RELN: variants seen among roughly 807,000 people sequenced by gnomAD.
The protein encoded by RELN is reelin.
In RELN, 108 loss-of-function variants were observed where a neutral mutation model predicts 427.6. The observed-to-expected ratio is 0.25, with a 90% CI of 0.22 to 0.30. The LOEUF (loss-of-function observed/expected upper bound fraction) is 0.30, where lower values mean the gene tolerates loss of function less well. Ranked by LOEUF, RELN falls within the 10% of genes least tolerant of loss-of-function variation. The probability of loss-of-function intolerance (pLI) is 1.00; values close to 1 mark genes in which losing one functional copy is unlikely to be tolerated. For synonymous variants in RELN, 1,524 were observed against 1,513.4 expected, an observed-to-expected ratio of 1.01 and a Z score of -0.16; for missense variants, 3,715 against 4,302.8, an observed-to-expected ratio of 0.86 and a Z score of 3.82.
intron 41 of RELN, among the ~76,000 whole-genome samples, chr7:103,548,768 T>G (rs932494368): frequency 5.3e-5 from 8 of 152,176 alleles, no homozygotes; most frequent in Non-Finnish European, 8.8e-5. Flanking sequence ...CAAATTATAT[T>G]GTCTTGCCTT....
chr7:103,882,588 A>C (rs1427985472), intron 2 of RELN, among the ~76,000 whole-genome samples: 3 of 152,122 alleles, frequency 2.0e-5, no homozygotes, highest in Non-Finnish European at 2.9e-5. Flanking sequence ...AATAGACACA[A>C]AAAAAAATGA....
rs750179737 is a variant in RELN, at chr7:103,989,338, C to A, written c.19G>T (p.Ala7Ser). The A allele has an allele frequency of 3.1e-5, 49 of 1,562,178 alleles. No homozygotes were observed. Among genetic ancestry groups the A allele is most frequent in the Non-Finnish European group, 4.2e-5 (49 of 1,153,088 alleles). The change falls in exon 1 of 65, where the codon GCC (alanine) becomes TCC (serine). Residue 7 changes from alanine to serine, a missense_variant. Ala to Ser is a moderately conservative substitution (Grantham distance 99). Coordinates refer to ENST00000428762, the MANE Select transcript of RELN (RefSeq NM_005045.4). The surrounding 1 kb of genome is among the most constrained non-coding windows in gnomAD (Gnocchi z 4.9). MERSGW[A>S]RQTFLLALLL... The stretch of plus-strand genomic sequence containing the variant: ...AGCGCTAGGAGGAAAGTCTGCCGGG[C>A]CCAGCCACTGCGCTCCATGCCGCCG...
At chr7:103,782,252 T>A (rs117142609) in intron 3 of RELN, among the ~76,000 whole-genome samples, 1 of 152,168 alleles carries the variant, frequency 6.6e-6, no homozygotes, top group Non-Finnish European at 1.5e-5. Context: ...TCAACCTAAC[T>A]AAACAACAGA....
chr7:103,655,425 G>A (rs1345669510), intron 12 of RELN, among the ~76,000 whole-genome samples: 5 of 151,848 alleles, frequency 3.3e-5, no homozygotes, highest in Admixed American at 1.3e-4. Flanking sequence ...ATACTCTCTG[G>A]TGACAGTAAA....
rs186485762 is a variant in RELN at position 103,736,061 on chromosome 7, T to C, written c.657-7854A>G. On this transcript the variant is annotated intron_variant, in intron 6 of 64. Transcript: ENST00000428762. ...ATCACACTGCCTGTGCTAAGAAGAA[T>C]CTGAGGTGTGAACTTGCAAAGCAAG... 2.0e-4 allele frequency among the ~76,000 whole-genome samples: 31 copies of C among 152,350 alleles called. No individual in the cohort carries two copies. In the East Asian group the frequency reaches 6.0e-3, roughly 29 times the overall value.
rs60124892 is a variant in RELN at position 103,713,660 on chromosome 7, C to CTTT, written c.805+9477_805+9479dup. Among the ~76,000 whole-genome samples the CTTT allele has an allele frequency of 2.2e-3, 311 of 143,682 alleles. 1 individual carries two copies. The highest frequency in any genetic ancestry group is 7.6e-3 in the African/African-American group (300 of 39,258). 94.3% of individuals were successfully genotyped at this position (143,682 alleles called of 152,430 possible). A position where few individuals can be genotyped will look rare whatever the true frequency, so the allele number is the denominator to read the frequency against. Reference sequence around the variant, plus strand: ...ATAATAAGCAGTTCTGGCATTTATCCTTTTTTTTTTTTTTTGAAGGTAAGA... The same window carrying CTTT: ...ATAATAAGCAGTTCTGGCATTTATCCTTTTTTTTTTTTTTTTTTGAAGGTAAGA... On this transcript the variant is annotated intron_variant, in intron 8 of 64. Coordinates refer to ENST00000428762, the MANE Select transcript of RELN (RefSeq NM_005045.4).
intron 27 of RELN, among the ~76,000 whole-genome samples, chr7:103,591,906 A>G (rs1438205108): frequency 6.6e-6 from 1 of 152,220 alleles, no homozygotes; most frequent in Non-Finnish European, 1.5e-5. Flanking sequence ...GATCAGATAC[A>G]TATGTTTAAG....
intron 20 of RELN, among the ~76,000 whole-genome samples, chr7:103,618,353 C>T (rs1235881721): frequency 6.6e-6 from 1 of 151,660 alleles, no homozygotes; most frequent in Non-Finnish European, 1.5e-5. Flanking sequence ...ATAGCACCAC[C>T]TGTTACTCGT....
chr7:103,492,064 T>C (rs1828691862), intron 57 of RELN, 38 bp from the exon 58 acceptor site: 8 of 1,439,998 alleles, frequency 5.6e-6, no homozygotes, highest in Non-Finnish European at 7.8e-6. Flanking sequence ...CAGGTAAGAT[T>C]AGATGATACT....
intron 4 of RELN, among the ~76,000 whole-genome samples, chr7:103,758,713 A>G (rs1484982346): frequency 6.7e-6 from 1 of 149,676 alleles, no homozygotes; most frequent in Non-Finnish European, 1.5e-5. Flanking sequence ...CTAGATAAGT[A>G]AATAAATGTT....
At position 103,610,718 on chromosome 7, in the gene RELN, T is replaced by A. The variant is rs1478139280; in HGVS notation, c.2985A>T (p.Ile995=). ...ACCAAGTTTTCTGGGGAAGAAGCAC[T>A]ATGACTCTCCTCCACTGTGTAAACT... ...ASEFTQWRRV[I]VLLPQKTWSS... is the part of the protein sequence containing the mutation. Residue 995 remains isoleucine, a synonymous_variant, in exon 22 of 65, where the codon ATA becomes ATT. Coordinates refer to ENST00000428762, the MANE Select transcript of RELN (RefSeq NM_005045.4). The A allele has an allele frequency of 6.3e-7, 1 of 1,596,332 alleles. No individual in the cohort carries two copies. The highest frequency in any genetic ancestry group is 2.2e-5 in the East Asian group (1 of 44,744).
intron 2 of RELN, among the ~76,000 whole-genome samples, chr7:103,910,584 A>G (rs1278235865): frequency 2.1e-5 from 3 of 144,402 alleles, no homozygotes; most frequent in South Asian, 4.8e-4. Flanking sequence ...GAGGCATCAC[A>G]CTACCTGACT....
At chr7:103,501,656 A>T (rs534772497) in intron 52 of RELN, among the ~76,000 whole-genome samples, 1 of 152,330 alleles carries the variant, frequency 6.6e-6, no homozygotes, top group South Asian at 2.1e-4. Context: ...TTACACAACT[A>T]AAAACTCATT....
intron 48 of RELN, among the ~76,000 whole-genome samples, chr7:103,521,103 A>C (rs553298711): frequency 6.7e-6 from 1 of 149,986 alleles, no homozygotes; most frequent in East Asian, 2.0e-4. Context: ...CAGCCTCCCG[A>C]GTAGCTGGGA....
intron 41 of RELN, among the ~76,000 whole-genome samples, chr7:103,549,553 T>C (rs1383620116): frequency 6.6e-6 from 1 of 152,250 alleles, no homozygotes; most frequent in Non-Finnish European, 1.5e-5. Flanking sequence ...GCATGGTTTT[T>C]CGACAGCTAT....
In RELN at chr7:103,519,523, AAAAG is replaced by A. The variant is rs1562868147; in HGVS notation, c.7669-11_7669-8del. The A allele has an allele frequency of 4.4e-6, 7 of 1,591,546 alleles. No individual in the cohort carries two copies. Among genetic ancestry groups the A allele is most frequent in the Non-Finnish European group, 6.0e-6 (7 of 1,159,610 alleles). Reference sequence around the variant, plus strand: ...CTAATAATCGACTACAACCCTAAGAAAAAGAAGTAAAATAAAAAAAAGTGATAAG... The same window carrying A: ...CTAATAATCGACTACAACCCTAAGAAAAGTAAAATAAAAAAAAGTGATAAG... On this transcript the variant is annotated splice_polypyrimidine_tract_variant and splice_region_variant and intron_variant, in intron 48 of 64. Transcript: ENST00000428762.
At chr7:103,512,673 G>C (rs1829456841) in intron 50 of RELN, 1 of 152,192 alleles carries the variant, frequency 6.6e-6, no homozygotes, top group South Asian at 2.1e-4. Flanking sequence ...TTCTGGAAGA[G>C]ATGATTTTAC....
chr7:103,504,585 C>T (rs569472073), intron 51 of RELN: 2 of 152,228 alleles, frequency 1.3e-5, no homozygotes, highest in African/African-American at 4.8e-5. Context: ...ACTGGTTGGA[C>T]AGTGGGTGCA....
chr7:103,516,192 G>A (rs1829562905), intron 49 of RELN, among the ~76,000 whole-genome samples: 1 of 151,842 alleles, frequency 6.6e-6, no homozygotes, highest in South Asian at 2.1e-4. Flanking sequence ...TGAAAACCCA[G>A]GAACATATCA....
Sources: gnomAD v4.1 joint callset for allele counts (sites outside exome capture counted in the v4.1 genomes callset) on GRCh38, gnomAD v4.1.1 for gene constraint, Gnocchi (gnomAD v3.1) non-coding constraint, MANE v1.5 for transcripts, NCBI Gene and HGNC (gene_info 2026-07-23, HGNC 2026-07-21) for gene names.